GLCE: variants seen among roughly 807,000 people sequenced by gnomAD.
GLCE encodes glucuronic acid epimerase.
In GLCE, 19 loss-of-function variants were observed where a neutral mutation model predicts 47.9. The observed-to-expected ratio is 0.40, with a 90% confidence interval of 0.28 to 0.58. GLCE has a LOEUF of 0.58. GLCE is among the 20% of genes least tolerant of loss of function. GLCE has a pLI of 0.48. For synonymous variants in GLCE, 245 were observed against 263.4 expected (o/e 0.93, Z 0.68); for missense variants, 556 against 743.3 (o/e 0.75, Z 2.93).
At chr15:69,195,954 G>A (rs1241070980) in intron 1 of GLCE, among the ~76,000 whole-genome samples, 2 of 152,078 alleles carry the variant, frequency 1.3e-5, no homozygotes. Context: ...CATTCTAGCT[G>A]AGAGGGAAAC....
chr15:69,250,951 T>C (rs1595782936), intron 2 of GLCE, among the ~76,000 whole-genome samples: 1 of 152,320 alleles, frequency 6.6e-6, no homozygotes, highest in Non-Finnish European at 1.5e-5. Context: ...TCAGTATCTT[T>C]CCATTTTATC....
chr15:69,164,766 T>C (rs965256608), intron 1 of GLCE, among the ~76,000 whole-genome samples: 3 of 152,126 alleles, frequency 2.0e-5, no homozygotes, highest in Non-Finnish European at 4.4e-5. Flanking sequence ...TTCCAGAATA[T>C]AGATTCATGA....
At chr15:69,255,671 C>T in intron 2 of GLCE, 123 bp from the exon 3 acceptor site, 1 of 562,496 alleles carries the variant, frequency 1.8e-6, no homozygotes, top group African/African-American at 1.9e-5. Flanking sequence ...AATTTTAAAT[C>T]TGATCCAAAA....
chr15:69,193,877 G>T (rs16952927), intron 1 of GLCE, among the ~76,000 whole-genome samples: 7,131 of 152,038 alleles, frequency 0.047, 567 homozygotes, highest in African/African-American at 0.16. Flanking sequence ...ATCACATATT[G>T]CCTTTGTAGT....
At chr15:69,206,957 T>C (rs1414613136) in intron 1 of GLCE, among the ~76,000 whole-genome samples, 1 of 152,100 alleles carries the variant, frequency 6.6e-6, no homozygotes, top group East Asian at 1.9e-4. Context: ...TTGCTGTATA[T>C]ATATTATATG....
intron 1 of GLCE, among the ~76,000 whole-genome samples, chr15:69,182,298 T>TGTGTGTGTGTGTGAGAGAGA (rs1446237319): frequency 4.8e-5 from 7 of 145,720 alleles, no homozygotes; most frequent in African/African-American, 1.3e-4. Flanking sequence ...TGTGTGTGTG[T>TGTGTGTGTGTGTGAGAGAGA]GAGAGAGAGA....
intron 1 of GLCE, among the ~76,000 whole-genome samples, chr15:69,178,685 T>C (rs77891408): frequency 6.6e-6 from 1 of 152,128 alleles, no homozygotes; most frequent in Non-Finnish European, 1.5e-5. Flanking sequence ...GGCAAAGATA[T>C]CTAGAATCAC....
Position 69,255,922 on chromosome 15 carries a change from T to C in GLCE, c.116T>C (p.Phe39Ser), listed in dbSNP as rs1397168144. The C allele has an allele frequency of 5.6e-6, 9 of 1,614,048 alleles. No individual in the cohort carries two copies. The South Asian group carries it at 9.9e-5, about 18-fold the overall frequency. ...TGTTCCAGTGACAAAGCAATCCAGT[T>C]TCCACGGCGTTCGAGTAGTGGCTTC... ...NKCSSDKAIQ[F>S]PRRSSSGFRV... The change falls in exon 3 of 5, where the codon TTT (phenylalanine) becomes TCT (serine). Residue 39 changes from phenylalanine (F) to serine (S), a missense_variant. By Grantham distance (155) the Phe-to-Ser change is radical. This residue lies in a region of GLCE where 237 missense variants were observed against 310.9 expected (regional missense o/e 0.76). Coordinates refer to ENST00000261858, the MANE Select transcript of GLCE (RefSeq NM_015554.3).
chr15:69,210,504 T>C (rs1199687380), intron 2 of GLCE, 98 bp downstream of exon 2: 2 of 152,152 alleles, frequency 1.3e-5, no homozygotes, highest in African/African-American at 4.8e-5. Context: ...TAAGATTGTT[T>C]AATAAAATTT....
chr15:69,189,332 C>A lies in GLCE; in HGVS notation c.-104-20984C>A, dbSNP rs190884699. On this transcript the variant is annotated intron_variant, in intron 1 of 4. Coordinates refer to ENST00000261858, the MANE Select transcript of GLCE (RefSeq NM_015554.3). ...GGCTTCTTTCACGTAGTAATATATACGTTTAAGGTTCTTGCATGTCTTTTC... is the reference window on the plus strand; with the variant it reads ...GGCTTCTTTCACGTAGTAATATATAAGTTTAAGGTTCTTGCATGTCTTTTC... Among the ~76,000 whole-genome samples, 18 of 152,196 alleles carry A rather than the reference C, an allele frequency of 1.2e-4. No homozygotes were observed. In the East Asian group the frequency reaches 3.5e-3, roughly 29 times the overall value.
At chr15:69,243,073 A>AAAG (rs2052697166) in intron 2 of GLCE, among the ~76,000 whole-genome samples, 3 of 150,466 alleles carry the variant, frequency 2.0e-5, no homozygotes, top group African/African-American at 4.9e-5. Context: ...AAAAAAAAAA[A>AAAG]AAAGAAAGAA....
At chr15:69,218,340 T>C (rs1280872857) in intron 2 of GLCE, among the ~76,000 whole-genome samples, 9 of 151,792 alleles carry the variant, frequency 5.9e-5, no homozygotes, top group African/African-American at 2.2e-4. Flanking sequence ...TGAAACCCCA[T>C]CTCTGCCAAA....
chr15:69,169,405 C>CT (rs563830124), intron 1 of GLCE, among the ~76,000 whole-genome samples: 52 of 151,556 alleles, frequency 3.4e-4, no homozygotes, highest in African/African-American at 1.2e-3. Context: ...ACACATAATT[C>CT]TTTTTTTTAA....
In GLCE at chr15:69,256,135, T is replaced by G; in HGVS notation, c.329T>G (p.Leu110Arg). The change falls in exon 3 of 5, where the codon CTC becomes CGC. Residue 110 changes from leucine (L) to arginine (R), a missense_variant. Leu to Arg is a moderately radical substitution (Grantham distance 102). Coordinates refer to ENST00000261858, the MANE Select transcript of GLCE (RefSeq NM_015554.3). Reference protein sequence around the residue: ...LGLKYEEIDCLINDEHTIKGR... With the variant: ...LGLKYEEIDCRINDEHTIKGR... ...CTCAAATATGAAGAAATTGACTGTC[T>G]CATAAATGATGAACACACAATTAAA... is the stretch of plus-strand genomic sequence containing the variant. The G allele has an allele frequency of 6.2e-7, 1 of 1,613,972 alleles. No individual in the cohort carries two copies. The highest frequency in any genetic ancestry group is 8.5e-7 in the Non-Finnish European group (1 of 1,179,884).
chr15:69,242,772 T>A (rs1297902132), intron 2 of GLCE, among the ~76,000 whole-genome samples: 1 of 152,022 alleles, frequency 6.6e-6, no homozygotes, highest in Non-Finnish European at 1.5e-5. Context: ...GAACTAGGTG[T>A]GGTAGCTCAT....
chr15:69,219,531 G>GCTTT (rs1235340804), intron 2 of GLCE, among the ~76,000 whole-genome samples: 1 of 152,102 alleles, frequency 6.6e-6, no homozygotes, highest in Non-Finnish European at 1.5e-5. Flanking sequence ...GGAAAGCAAA[G>GCTTT]CCTTTGTAAG....
At chr15:69,227,906 G>A (rs571099626) in intron 2 of GLCE, among the ~76,000 whole-genome samples, 2 of 152,226 alleles carry the variant, frequency 1.3e-5, no homozygotes, top group Non-Finnish European at 1.5e-5. Context: ...ATGACTGCTA[G>A]TAGAAGTAAA....
At chr15:69,241,875 A>G (rs2052675930) in intron 2 of GLCE, among the ~76,000 whole-genome samples, 2 of 152,184 alleles carry the variant, frequency 1.3e-5, no homozygotes, top group African/African-American at 4.8e-5. Flanking sequence ...AATCATCAGA[A>G]TCACTTGTGT....
At chr15:69,175,442 C>G (rs572960151) in intron 1 of GLCE, among the ~76,000 whole-genome samples, 1 of 152,174 alleles carries the variant, frequency 6.6e-6, no homozygotes, top group Non-Finnish European at 1.5e-5. Context: ...AATGTACTTA[C>G]TGGACCTCAG....
Sources: gnomAD v4.1 joint callset for allele counts (sites outside exome capture counted in the v4.1 genomes callset) on GRCh38, gnomAD v4.1.1 for gene constraint, gnomAD v4.1.1 regional missense constraint, MANE v1.5 for transcripts, NCBI Gene and HGNC (gene_info 2026-07-23, HGNC 2026-07-21) for gene names.